The following CADM2 variants were observed in gnomAD, a reference collection of about 807,000 sequenced individuals.
The protein encoded by CADM2 is cell adhesion molecule 2.
CADM2 carries 12 observed loss-of-function variants against 49.8 expected under a neutral mutation model. The observed-to-expected ratio is 0.24, with a 90% CI of 0.15 to 0.39. The LOEUF is 0.39. Ranked by LOEUF, CADM2 falls within the 10% of genes least tolerant of loss-of-function variation. The pLI, the probability that CADM2 is intolerant of heterozygous loss-of-function variation, is 1.00. For synonymous variants in CADM2, 214 were observed against 175.4 expected (o/e 1.22, Z -1.74); for missense variants, 378 against 492.3 (o/e 0.77, Z 2.20).
At chr3:85,334,668 C>CT (rs2045028297) in intron 1 of CADM2, among the ~76,000 whole-genome samples, 1 of 151,436 alleles carries the variant, frequency 6.6e-6, no homozygotes, top group Admixed American at 6.6e-5. Flanking sequence ...TTACAAAAAC[C>CT]TTTTCAAATG....
chr3:86,036,390 A>G (rs2107193987), intron 8 of CADM2, among the ~76,000 whole-genome samples: 1 of 152,184 alleles, frequency 6.6e-6, no homozygotes, highest in African/African-American at 2.4e-5. Context: ...TGTCCTAGGC[A>G]TCTTCCTGGG....
At chr3:85,287,265 T>C (rs925323016) in intron 1 of CADM2, among the ~76,000 whole-genome samples, 6 of 152,066 alleles carry the variant, frequency 3.9e-5, no homozygotes, top group African/African-American at 1.4e-4. Context: ...TGGAGCAATA[T>C]ACTTTATGTC....
At chr3:85,541,752 ATTT>A (rs1246653560) in intron 1 of CADM2, among the ~76,000 whole-genome samples, 13 of 27,886 alleles carry the variant, frequency 4.7e-4, no homozygotes, top group Middle Eastern at 0.025. Flanking sequence ...TATTTTATAT[ATTT>A]TATATATATA....
rs1576853755 is a variant in CADM2, at chr3:85,579,454, C to T, written c.62-147068C>T. Among the ~76,000 whole-genome samples the T allele has an allele frequency of 2.6e-5, 4 of 152,100 alleles. No individual in the cohort carries two copies. In the South Asian group the frequency reaches 8.3e-4, roughly 32 times the overall value. On this transcript the variant is annotated intron_variant, in intron 1 of 9. Transcript: ENST00000383699. ...AATGGGTCTTTGTGACCAGCAATTT[C>T]AACATGCACAAGGCTGCTATGCTGA...
chr3:85,239,302 AG>A (rs1284073724), intron 1 of CADM2, among the ~76,000 whole-genome samples: 1 of 151,866 alleles, frequency 6.6e-6, no homozygotes, highest in East Asian at 1.9e-4. Context: ...GATATACTTT[AG>A]ATGGCAGACT....
At chr3:85,259,119 C>G (rs1194108926) in intron 1 of CADM2, among the ~76,000 whole-genome samples, 2 of 152,108 alleles carry the variant, frequency 1.3e-5, no homozygotes, top group African/African-American at 4.8e-5. Flanking sequence ...AAAACAAGTA[C>G]AATGATCCAC....
chr3:85,580,163 T>G (rs2062754385), intron 1 of CADM2, among the ~76,000 whole-genome samples: 1 of 152,158 alleles, frequency 6.6e-6, no homozygotes, highest in South Asian at 2.1e-4. Context: ...GAAATGTAAG[T>G]TATTTATTGA....
chr3:85,564,802 A>G (rs55902183), intron 1 of CADM2, among the ~76,000 whole-genome samples: 31,409 of 152,010 alleles, frequency 0.21, 3,868 homozygotes, highest in East Asian at 0.3. Flanking sequence ...TTACCAATTC[A>G]TAAATGAAAA....
In CADM2 at chr3:84,968,507, A is replaced by T. The variant is rs139388462; in HGVS notation, c.61+8839A>T. Among the ~76,000 whole-genome samples, 80 of 152,176 alleles carry T rather than the reference A, an allele frequency of 5.3e-4. No individual in the cohort carries two copies. In the East Asian group the frequency reaches 0.013, roughly 24 times the overall value. ...GGTATTCAGAGAAGGATGTTTCTGA[A>T]GGCAATTATATATCTATGACTCCAA... On this transcript the variant is annotated intron_variant, in intron 1 of 9. Transcript: ENST00000383699.
chr3:85,710,487 A>T (rs2067085613), intron 1 of CADM2, among the ~76,000 whole-genome samples: 2 of 152,100 alleles, frequency 1.3e-5, no homozygotes, highest in Admixed American at 6.6e-5. Context: ...TCTTGACTTG[A>T]ATTACTCTCA....
At chr3:85,240,420 T>C (rs1036699222) in intron 1 of CADM2, among the ~76,000 whole-genome samples, 16 of 151,562 alleles carry the variant, frequency 1.1e-4, no homozygotes, top group Non-Finnish European at 1.9e-4. Context: ...ATATCAACTT[T>C]AGTCATAATG....
intron 1 of CADM2, among the ~76,000 whole-genome samples, chr3:85,144,006 G>A (rs1043320433): frequency 1.3e-5 from 2 of 152,096 alleles, no homozygotes. Context: ...TCTTTGCTGG[G>A]CCAGGAACAC....
At chr3:85,121,963 G>A (rs894729517) in intron 1 of CADM2, among the ~76,000 whole-genome samples, 1 of 151,676 alleles carries the variant, frequency 6.6e-6, no homozygotes, top group Non-Finnish European at 1.5e-5. Flanking sequence ...CAGGAGATGA[G>A]GTGCTCCTTC....
At chr3:85,106,100 G>GAAATA (rs752254286) in intron 1 of CADM2, among the ~76,000 whole-genome samples, 1 of 151,804 alleles carries the variant, frequency 6.6e-6, no homozygotes, top group Non-Finnish European at 1.5e-5. Flanking sequence ...ACAATAAAAT[G>GAAATA]AAATAAAATA....
At chr3:85,298,796 C>T (rs1036608237) in intron 1 of CADM2, among the ~76,000 whole-genome samples, 3 of 152,018 alleles carry the variant, frequency 2.0e-5, no homozygotes, top group South Asian at 2.1e-4. Flanking sequence ...TGAATTAGCT[C>T]ATTGTAAAAC....
intron 1 of CADM2, among the ~76,000 whole-genome samples, chr3:85,556,951 G>A (rs193024394): frequency 1.3e-5 from 2 of 152,078 alleles, no homozygotes; most frequent in East Asian, 3.9e-4. Flanking sequence ...ATTCAAGCAG[G>A]ACTCCTAAAC....
intron 5 of CADM2, among the ~76,000 whole-genome samples, chr3:85,904,433 A>G (rs139956581): frequency 8.5e-5 from 13 of 152,310 alleles, no homozygotes; most frequent in African/African-American, 3.1e-4. Flanking sequence ...TTGAGGAAAC[A>G]TGGATCTCCA....
intron 1 of CADM2, among the ~76,000 whole-genome samples, chr3:85,305,556 C>T (rs181076554): frequency 1.5e-3 from 226 of 151,548 alleles, no homozygotes; most frequent in Non-Finnish European, 1.7e-3. Flanking sequence ...AATTGGTAGC[C>T]AATTGAACGA....
chr3:85,448,048 T>C (rs9828679), intron 1 of CADM2, among the ~76,000 whole-genome samples: 25,260 of 151,890 alleles, frequency 0.17, 2,636 homozygotes, highest in Non-Finnish European at 0.23. Context: ...TCCTAGCAAA[T>C]AGGCCGGCCG....
Sources: gnomAD v4.1 joint callset for allele counts (sites outside exome capture counted in the v4.1 genomes callset) on GRCh38, gnomAD v4.1.1 for gene constraint, MANE v1.5 for transcripts, NCBI Gene and HGNC (gene_info 2026-07-23, HGNC 2026-07-21) for gene names.